CELF4: variants seen among roughly 807,000 people sequenced by gnomAD.
CELF4 encodes the protein CUG-BP- and ETR-3-like factor 4.
In CELF4, 18 loss-of-function variants were observed where a neutral mutation model predicts 59.9. That is an observed-to-expected ratio of 0.30 (90% CI 0.21 to 0.45). The LOEUF is 0.45. Among genes scored for constraint, CELF4 ranks in the 20% least tolerant of loss-of-function variants. The pLI, the probability that CELF4 is intolerant of heterozygous loss-of-function variation, is 1.00. For synonymous variants in CELF4, 261 were observed against 267.1 expected (o/e 0.98, Z 0.22); for missense variants, 456 against 689.0 (o/e 0.66, Z 3.79).
At chr18:37,276,969 A>G (rs968546775) in intron 3 of CELF4, among the ~76,000 whole-genome samples, 2 of 152,170 alleles carry the variant, frequency 1.3e-5, no homozygotes, top group Admixed American at 6.5e-5. Flanking sequence ...TCTGTATTCA[A>G]GGTGGTTGGT....
At chr18:37,399,913 A>G (rs1392454434) in intron 2 of CELF4, among the ~76,000 whole-genome samples, 1 of 152,224 alleles carries the variant, frequency 6.6e-6, no homozygotes, top group Non-Finnish European at 1.5e-5. Flanking sequence ...TCACCCAGGC[A>G]GATGAGCCTC....
intron 2 of CELF4, among the ~76,000 whole-genome samples, chr18:37,340,599 C>T (rs2097972023): frequency 6.6e-6 from 1 of 152,232 alleles, no homozygotes; most frequent in Non-Finnish European, 1.5e-5. Flanking sequence ...TCCCACAGGC[C>T]TGAGGGTGGA....
At chr18:37,405,471 G>A (rs1480004072) in intron 2 of CELF4, among the ~76,000 whole-genome samples, 3 of 152,222 alleles carry the variant, frequency 2.0e-5, no homozygotes. Flanking sequence ...CCCTTCCTTC[G>A]AAGAGGGGCT....
intron 3 of CELF4, among the ~76,000 whole-genome samples, chr18:37,295,971 A>G (rs745657630): frequency 6.6e-6 from 1 of 152,114 alleles, no homozygotes; most frequent in Non-Finnish European, 1.5e-5. Context: ...TCAGCTGGAG[A>G]GGAGCTCTGT....
At chr18:37,334,065 C>T (rs2097671264) in intron 2 of CELF4, among the ~76,000 whole-genome samples, 1 of 152,144 alleles carries the variant, frequency 6.6e-6, no homozygotes, top group South Asian at 2.1e-4. Context: ...GCGTTCTTTA[C>T]CTCTGATGTG....
intron 2 of CELF4, among the ~76,000 whole-genome samples, chr18:37,353,540 G>C (rs1457641646): frequency 1.3e-5 from 2 of 151,232 alleles, no homozygotes; most frequent in Non-Finnish European, 2.9e-5. Flanking sequence ...AAGAACTGTG[G>C]GGACTTGGGT....
At chr18:37,536,792 C>A (rs1244331601) in intron 1 of CELF4, among the ~76,000 whole-genome samples, 1 of 152,150 alleles carries the variant, frequency 6.6e-6, no homozygotes, top group Non-Finnish European at 1.5e-5. Context: ...CGTGTGCAGG[C>A]GGCCCAGGCT....
intron 1 of CELF4, among the ~76,000 whole-genome samples, chr18:37,496,015 C>T (rs1015528094): frequency 2.0e-4 from 30 of 152,178 alleles, no homozygotes; most frequent in Admixed American, 1.6e-3. Flanking sequence ...CCTCCCTCCC[C>T]CAGCAGTGTG....
chr18:37,417,652 G>A (rs1017245103), intron 2 of CELF4, among the ~76,000 whole-genome samples: 1 of 152,178 alleles, frequency 6.6e-6, no homozygotes, highest in African/African-American at 2.4e-5. Flanking sequence ...GCTGCTCCAG[G>A]GCCCATCAGG....
At chr18:37,467,721 G>A (rs1205632243) in intron 2 of CELF4, among the ~76,000 whole-genome samples, 5 of 152,186 alleles carry the variant, frequency 3.3e-5, no homozygotes, top group Admixed American at 1.3e-4. Flanking sequence ...GCATTTTAAT[G>A]CATTTCAGAG....
chr18:37,537,839 T>C (rs1002696226), intron 1 of CELF4, among the ~76,000 whole-genome samples: 1 of 152,262 alleles, frequency 6.6e-6, no homozygotes, highest in Non-Finnish European at 1.5e-5. Context: ...TTGGGATTTC[T>C]CTCGTCCAAC....
chr18:37,487,544 AC>A (rs1454267847), intron 1 of CELF4, among the ~76,000 whole-genome samples: 1 of 152,038 alleles, frequency 6.6e-6, no homozygotes, highest in Non-Finnish European at 1.5e-5. Context: ...TGATGGAGAC[AC>A]CCGGGGACTG....
chr18:37,488,262 G>T (rs1455251913), intron 1 of CELF4, among the ~76,000 whole-genome samples: 1 of 151,994 alleles, frequency 6.6e-6, no homozygotes, highest in Non-Finnish European at 1.5e-5. Context: ...TTTCTGTTTG[G>T]CACCCATCAC....
intron 2 of CELF4, among the ~76,000 whole-genome samples, chr18:37,379,415 T>G (rs558580085): frequency 2.1e-5 from 3 of 144,600 alleles, no homozygotes; most frequent in Non-Finnish European, 3.0e-5. Context: ...TGATGCTGGC[T>G]GCCTTTTGTA....
At chr18:37,309,927 C>T (rs767970568) in intron 3 of CELF4, among the ~76,000 whole-genome samples, 9 of 151,092 alleles carry the variant, frequency 6.0e-5, no homozygotes, top group Middle Eastern at 6.8e-3. Context: ...AATCACCACC[C>T]CCAGGAAGCC....
chr18:37,290,596 A>G (rs17653268), intron 3 of CELF4, among the ~76,000 whole-genome samples: 6,991 of 152,228 alleles, frequency 0.046, 256 homozygotes, highest in Non-Finnish European at 0.065. Context: ...CATCTCACCC[A>G]CAAGAGCGCA....
intron 12 of CELF4, chr18:37,247,383 G>C (rs1358209071): frequency 9.7e-6 from 1 of 102,758 alleles, no homozygotes; most frequent in African/African-American, 3.6e-5. Context: ...GTGGGGGAAG[G>C]AAGAGGTGGG....
At chr18:37,447,531 A>G (rs1477259846) in intron 2 of CELF4, among the ~76,000 whole-genome samples, 1 of 151,930 alleles carries the variant, frequency 6.6e-6, no homozygotes, top group African/African-American at 2.4e-5. Context: ...GGAGGGAGCG[A>G]CCCGTTTTTC....
chr18:37,282,007 T>C (rs1271115059), intron 3 of CELF4, among the ~76,000 whole-genome samples: 2 of 152,150 alleles, frequency 1.3e-5, no homozygotes, highest in Non-Finnish European at 2.9e-5. Context: ...CTGAGGCTGT[T>C]TGTCAAATCC....
Sources: gnomAD v4.1 joint callset for allele counts (sites outside exome capture counted in the v4.1 genomes callset) on GRCh38, gnomAD v4.1.1 for gene constraint, MANE v1.5 for transcripts, NCBI Gene and HGNC (gene_info 2026-07-23, HGNC 2026-07-21) for gene names.